CLIC4: variants seen among roughly 807,000 people sequenced by gnomAD.
CLIC4 encodes chloride intracellular channel protein 4.
A neutral mutation model predicts 24.6 loss-of-function variants in CLIC4; 13 were observed. That is an observed-to-expected ratio of 0.53 (90% CI 0.34 to 0.84). The LOEUF is 0.84. Among genes scored for constraint, CLIC4 ranks in the 40% least tolerant of loss-of-function variants. CLIC4 has a pLI of 0.01. For missense variants in CLIC4, 227 were observed against 301.7 expected (o/e 0.75, Z 1.83); for synonymous variants, 104 against 111.3 (o/e 0.93, Z 0.41).
chr1:24,799,219 CT>C (rs1219480179), intron 2 of CLIC4, among the ~76,000 whole-genome samples: 2 of 151,552 alleles, frequency 1.3e-5, no homozygotes, highest in Non-Finnish European at 2.9e-5. Flanking sequence ...CTCTTCCCGG[CT>C]GCCATCACAT....
At chr1:24,799,666 C>T (rs1244482853) in intron 2 of CLIC4, among the ~76,000 whole-genome samples, 4 of 136,620 alleles carry the variant, frequency 2.9e-5, no homozygotes, top group Non-Finnish European at 4.8e-5. Flanking sequence ...TCAGCCCCCC[C>T]GCCCGGCCAG....
At chr1:24,787,667 C>G (rs1639284968) in intron 1 of CLIC4, among the ~76,000 whole-genome samples, 1 of 150,898 alleles carries the variant, frequency 6.6e-6, no homozygotes, top group South Asian at 2.1e-4. Context: ...TCCCAAGTAG[C>G]TGGGACTACA....
Position 24,803,254 on chromosome 1 carries a change from A to T in CLIC4, c.182+5403A>T, listed in dbSNP as rs547985311. On this transcript the variant is annotated intron_variant, in intron 2 of 5. Transcript: ENST00000374379. Reference sequence around the variant, plus strand: ...GGGAGAAAATATGCCTACAGTGCTTATTTTCCTGCTTTTCCTGGTAATTGC... The same window carrying T: ...GGGAGAAAATATGCCTACAGTGCTTTTTTTCCTGCTTTTCCTGGTAATTGC... Among the ~76,000 whole-genome samples the T allele has an allele frequency of 8.9e-4, 135 of 152,232 alleles. 3 individuals carry two copies. In the South Asian group the frequency reaches 0.027, roughly 30 times the overall value.
chr1:24,763,955 G>C (rs6604978), intron 1 of CLIC4, among the ~76,000 whole-genome samples: 94,007 of 152,108 alleles, frequency 0.62, 30,229 homozygotes, highest in Non-Finnish European at 0.71. Flanking sequence ...ACGATATTTA[G>C]TAGATTGTCT....
intron 1 of CLIC4, among the ~76,000 whole-genome samples, chr1:24,792,986 C>G (rs1322358141): frequency 6.6e-6 from 1 of 152,104 alleles, no homozygotes; most frequent in South Asian, 2.1e-4. Context: ...TTTAGTTTAA[C>G]GTGTTTCTAA....
Position 24,774,826 on chromosome 1 carries a change from T to G in CLIC4, c.73-22916T>G, listed in dbSNP as rs549873009. ...TGGCTCATGCCTATAATCACAGCAC[T>G]TTGAGAGGCCAAGGTGGGTGGATCA... On this transcript the variant is annotated intron_variant, in intron 1 of 5. Transcript: ENST00000374379. Among the ~76,000 whole-genome samples the G allele has an allele frequency of 6.6e-5, 10 of 152,216 alleles. No homozygotes were observed. In the South Asian group the frequency reaches 8.3e-4, roughly 13 times the overall value.
At chr1:24,820,981 C>CA (rs1180389555) in intron 3 of CLIC4, among the ~76,000 whole-genome samples, 1 of 151,966 alleles carries the variant, frequency 6.6e-6, no homozygotes, top group Non-Finnish European at 1.5e-5. Flanking sequence ...CTCAGGAGTT[C>CA]AAGACCAGCC....
intron 2 of CLIC4, among the ~76,000 whole-genome samples, chr1:24,811,625 A>G (rs1639616029): frequency 6.6e-6 from 1 of 152,052 alleles, no homozygotes; most frequent in Non-Finnish European, 1.5e-5. Flanking sequence ...GGCACATGCC[A>G]CCACACCCAG....
At chr1:24,817,672 G>T (rs1639685129) in intron 3 of CLIC4, among the ~76,000 whole-genome samples, 1 of 152,116 alleles carries the variant, frequency 6.6e-6, no homozygotes, top group African/African-American at 2.4e-5. Context: ...ATGCTGTTTG[G>T]CTGTTTGGTG....
chr1:24,781,944 C>T (rs1014956451), intron 1 of CLIC4, among the ~76,000 whole-genome samples: 7 of 152,130 alleles, frequency 4.6e-5, no homozygotes, highest in Admixed American at 2.0e-4. Context: ...GCCACTGCGC[C>T]GGGCCTTGTA....
At chr1:24,815,292 G>GT (rs1359320571) in intron 3 of CLIC4, among the ~76,000 whole-genome samples, 1 of 152,134 alleles carries the variant, frequency 6.6e-6, no homozygotes, top group East Asian at 1.9e-4. Context: ...GAGGTTGGGA[G>GT]TTCGAGACCA....
At chr1:24,760,310 G>A (rs958302938) in intron 1 of CLIC4, among the ~76,000 whole-genome samples, 11 of 152,076 alleles carry the variant, frequency 7.2e-5, no homozygotes, top group African/African-American at 2.7e-4. Context: ...AGGTTGCAGT[G>A]AGCCTAGATT....
chr1:24,799,433 G>C (rs1251804032), intron 2 of CLIC4, among the ~76,000 whole-genome samples: 2 of 150,604 alleles, frequency 1.3e-5, no homozygotes. Context: ...TCTGAGAAGT[G>C]AGGAAGCCCC....
intron 1 of CLIC4, among the ~76,000 whole-genome samples, chr1:24,781,374 C>T (rs991212209): frequency 8.3e-4 from 125 of 151,316 alleles, no homozygotes; most frequent in African/African-American, 2.7e-3. Context: ...GAACTCCTGA[C>T]CTCGTGATCC....
chr1:24,822,959 G>A (rs1639750337), intron 3 of CLIC4, among the ~76,000 whole-genome samples: 1 of 152,110 alleles, frequency 6.6e-6, no homozygotes, highest in Non-Finnish European at 1.5e-5. Flanking sequence ...GAACAAGGAG[G>A]TCTCAGGTCT....
chr1:24,751,153 C>G (rs1051592395), intron 1 of CLIC4, among the ~76,000 whole-genome samples: 1 of 151,766 alleles, frequency 6.6e-6, no homozygotes, highest in African/African-American at 2.4e-5. Flanking sequence ...GTCTCCAAAC[C>G]CAGTGTAATT....
chr1:24,830,153 T>C (rs970056539), intron 4 of CLIC4, among the ~76,000 whole-genome samples: 1 of 152,180 alleles, frequency 6.6e-6, no homozygotes, highest in African/African-American at 2.4e-5. Context: ...GAATACATGA[T>C]TGTTGAAAAA....
rs1639937394 is a variant in CLIC4 at position 24,841,065 on chromosome 1, A to G, written c.*128A>G. 1 of 703,032 alleles carries G rather than the reference A, an allele frequency of 1.4e-6. No individual in the cohort carries two copies. The highest frequency in any genetic ancestry group is 2.3e-6 in the Non-Finnish European group (1 of 432,234). The allele number at this position is 703,032 out of a possible 1,614,324, so 43.5% of individuals were successfully genotyped here. A position where few individuals can be genotyped will look rare whatever the true frequency, so the allele number is the denominator to read the frequency against. ...CATGCAGTTATTGAAGATTAGGATC[A>G]AGGATAGACAAGGTATAGTAGTTAT... On this transcript the variant is annotated 3_prime_UTR_variant, in exon 6 of 6. Transcript: ENST00000374379.
chr1:24,755,100 C>T (rs1483093535), intron 1 of CLIC4, among the ~76,000 whole-genome samples: 1 of 148,140 alleles, frequency 6.8e-6, no homozygotes, highest in Admixed American at 6.8e-5. Context: ...ATAGGCTGGG[C>T]AAAATAGTGA....
Sources: gnomAD v4.1 joint callset for allele counts (sites outside exome capture counted in the v4.1 genomes callset) on GRCh38, gnomAD v4.1.1 for gene constraint, MANE v1.5 for transcripts, NCBI Gene and HGNC (gene_info 2026-07-23, HGNC 2026-07-21) for gene names.